The following RFX3 variants were observed in gnomAD, a reference collection of about 807,000 sequenced individuals.
RFX3 encodes transcription factor RFX3.
A neutral mutation model predicts 98.6 loss-of-function variants in RFX3; 14 were observed. That is an observed-to-expected ratio of 0.14 (90% CI 0.09 to 0.22). The LOEUF (loss-of-function observed/expected upper bound fraction) is 0.22, where lower values mean the gene tolerates loss of function less well. Ranked by LOEUF, RFX3 falls within the 10% of genes least tolerant of loss-of-function variation. The pLI is 1.00. For missense variants in RFX3, 639 were observed against 926.9 expected (o/e 0.69, Z 4.03); for synonymous variants, 383 against 328.4 (o/e 1.17, Z -1.80).
At chr9:3,410,071 T>A (rs546680641) in intron 1 of RFX3, among the ~76,000 whole-genome samples, 1 of 152,050 alleles carries the variant, frequency 6.6e-6, no homozygotes. Context: ...AATCTTAAAA[T>A]AAGAGCTTCT....
chr9:3,497,844 G>A (rs573986822), intron 1 of RFX3, among the ~76,000 whole-genome samples: 175 of 152,098 alleles, frequency 1.2e-3, no homozygotes, highest in African/African-American at 4.1e-3. Flanking sequence ...ATCAGAGTAA[G>A]CAGTGCCATT....
intron 12 of RFX3, among the ~76,000 whole-genome samples, chr9:3,265,486 C>T (rs1823508447): frequency 6.6e-6 from 1 of 152,144 alleles, no homozygotes; most frequent in Non-Finnish European, 1.5e-5. Context: ...TGGAGTCTGA[C>T]AGTAAATACA....
At chr9:3,266,826 A>T (rs1463673349) in intron 11 of RFX3, among the ~76,000 whole-genome samples, 1 of 152,062 alleles carries the variant, frequency 6.6e-6, no homozygotes. Flanking sequence ...CTTGTTGAAA[A>T]GGTAAAAATT....
intron 2 of RFX3, among the ~76,000 whole-genome samples, chr9:3,379,253 G>T (rs973327252): frequency 2.6e-5 from 4 of 152,130 alleles, no homozygotes; most frequent in African/African-American, 9.7e-5. Context: ...AAGGTACATG[G>T]GCTAGGAGAG....
At chr9:3,495,643 T>G (rs1196506004) in intron 1 of RFX3, among the ~76,000 whole-genome samples, 1 of 152,072 alleles carries the variant, frequency 6.6e-6, no homozygotes, top group Non-Finnish European at 1.5e-5. Context: ...GTGTAAGTAC[T>G]GTTTCCCCTG....
At chr9:3,353,025 T>C (rs1187620863) in intron 2 of RFX3, among the ~76,000 whole-genome samples, 2 of 152,044 alleles carry the variant, frequency 1.3e-5, no homozygotes, top group East Asian at 1.9e-4. Context: ...CCATAAAAAA[T>C]GATGAGTTCA....
At chr9:3,481,234 A>C (rs2133362202) in intron 1 of RFX3, among the ~76,000 whole-genome samples, 1 of 152,264 alleles carries the variant, frequency 6.6e-6, no homozygotes, top group East Asian at 1.9e-4. Flanking sequence ...CAAATGAAAA[A>C]TCCATTCTTA....
intron 1 of RFX3, among the ~76,000 whole-genome samples, chr9:3,417,497 A>G (rs1264617482): frequency 6.6e-6 from 1 of 152,162 alleles, no homozygotes; most frequent in African/African-American, 2.4e-5. Flanking sequence ...CAAAAGAATT[A>G]AGTTAAAAAT....
At chr9:3,247,686 T>A (rs1194001695) in intron 15 of RFX3, 4 of 1,479,772 alleles carry the variant, frequency 2.7e-6, no homozygotes, top group Non-Finnish European at 2.7e-6. Flanking sequence ...TTCCATTGTA[T>A]TCCCAGCCCT....
intron 2 of RFX3, among the ~76,000 whole-genome samples, chr9:3,359,095 C>G (rs1006134697): frequency 7.9e-5 from 12 of 151,494 alleles, no homozygotes; most frequent in Non-Finnish European, 1.8e-4. Context: ...CCTACGAGAC[C>G]CTTGAAACGA....
chr9:3,430,651 A>AT (rs1458867087), intron 1 of RFX3, among the ~76,000 whole-genome samples: 3 of 152,152 alleles, frequency 2.0e-5, no homozygotes, highest in Non-Finnish European at 4.4e-5. Context: ...ATTCTTTTGA[A>AT]TTTTTAAATA....
chr9:3,392,114 T>C (rs562874298), intron 2 of RFX3, among the ~76,000 whole-genome samples: 6 of 152,164 alleles, frequency 3.9e-5, no homozygotes, highest in Non-Finnish European at 7.4e-5. Context: ...TTAAAAAGCC[T>C]TGTCAGTCAG....
chr9:3,525,264 T>TC (rs1370156784), intron 1 of RFX3, among the ~76,000 whole-genome samples: 4 of 151,448 alleles, frequency 2.6e-5, no homozygotes, highest in African/African-American at 9.7e-5. Flanking sequence ...ACCTCTTGGG[T>TC]CCCCCCCTTG....
At chr9:3,513,644 G>C (rs1817857811) in intron 1 of RFX3, among the ~76,000 whole-genome samples, 1 of 152,098 alleles carries the variant, frequency 6.6e-6, no homozygotes, top group Non-Finnish European at 1.5e-5. Context: ...TTTATCACGG[G>C]CAGTAGGACT....
chr9:3,327,575 C>A (rs1832065904), intron 4 of RFX3, among the ~76,000 whole-genome samples: 1 of 150,694 alleles, frequency 6.6e-6, no homozygotes. Context: ...AATTTTTATA[C>A]TCCTTTTGTT....
intron 14 of RFX3, among the ~76,000 whole-genome samples, chr9:3,252,507 C>A (rs1158342834): frequency 6.6e-6 from 1 of 152,138 alleles, no homozygotes; most frequent in African/African-American, 2.4e-5. Context: ...GAAACGAACA[C>A]AGGTGAAGAG....
At chr9:3,315,015 C>G (rs1324904757) in intron 4 of RFX3, among the ~76,000 whole-genome samples, 1 of 152,138 alleles carries the variant, frequency 6.6e-6, no homozygotes, top group Non-Finnish European at 1.5e-5. Context: ...AGCTCTGCAC[C>G]AAGCAGACCT....
At chr9:3,256,172 G>A (rs113855405) in intron 14 of RFX3, among the ~76,000 whole-genome samples, 194 of 151,930 alleles carry the variant, frequency 1.3e-3, no homozygotes, top group African/African-American at 4.3e-3. Context: ...GGGTTTTACC[G>A]TGTTAGCGAG....
intron 1 of RFX3, among the ~76,000 whole-genome samples, chr9:3,470,871 A>G (rs1325010311): frequency 1.3e-5 from 2 of 152,210 alleles, no homozygotes; most frequent in Non-Finnish European, 2.9e-5. Context: ...GGGCTCTTCT[A>G]GCATTCTAAC....
Sources: gnomAD v4.1 joint callset for allele counts (sites outside exome capture counted in the v4.1 genomes callset) on GRCh38, gnomAD v4.1.1 for gene constraint, MANE v1.5 for transcripts, NCBI Gene and HGNC (gene_info 2026-07-23, HGNC 2026-07-21) for gene names.